VAV3: variants seen among roughly 807,000 people sequenced by gnomAD.
VAV3 encodes the protein vav guanine nucleotide exchange factor 3.
VAV3 carries 94 observed loss-of-function variants against 131.2 expected under a neutral mutation model. The ratio of observed to expected loss-of-function variants is 0.72; its 90% CI spans 0.61 to 0.85. The LOEUF is 0.85. VAV3 is among the 40% of genes least tolerant of loss of function. VAV3 has a pLI of 0.00. For missense variants in VAV3, 939 were observed against 1,002.7 expected (o/e 0.94, Z 0.86); for synonymous variants, 349 against 342.0 (o/e 1.02, Z -0.22).
At chr1:107,780,121 CT>C (rs1287214257) in intron 2 of VAV3, among the ~76,000 whole-genome samples, 10 of 152,174 alleles carry the variant, frequency 6.6e-5, no homozygotes, top group Non-Finnish European at 1.5e-4. Flanking sequence ...TGGCCAAGTA[CT>C]TTTGGGCAAA....
At chr1:107,843,233 A>G (rs1021557891) in intron 2 of VAV3, among the ~76,000 whole-genome samples, 3 of 151,904 alleles carry the variant, frequency 2.0e-5, no homozygotes, top group Non-Finnish European at 4.4e-5. Context: ...TTAAACACAC[A>G]TCCTGAGTAA....
At chr1:107,818,007 G>A (rs756755000) in intron 2 of VAV3, among the ~76,000 whole-genome samples, 10 of 152,082 alleles carry the variant, frequency 6.6e-5, no homozygotes, top group East Asian at 3.9e-4. Context: ...AAATTAATTC[G>A]GAACAAACAC....
intron 19 of VAV3, among the ~76,000 whole-genome samples, chr1:107,666,392 T>C (rs896588895): frequency 2.0e-5 from 3 of 152,114 alleles, no homozygotes; most frequent in African/African-American, 4.8e-5. Flanking sequence ...CAAGGTGATA[T>C]CTGCAATTTG....
At chr1:107,944,999 G>A (rs954065454) in intron 1 of VAV3, among the ~76,000 whole-genome samples, 8 of 152,270 alleles carry the variant, frequency 5.3e-5, no homozygotes, top group East Asian at 3.9e-4. Flanking sequence ...AGGAGGTCTC[G>A]GATGAAAGGA....
intron 24 of VAV3, among the ~76,000 whole-genome samples, 176 bp downstream of exon 24, chr1:107,602,221 A>C (rs1651920366): frequency 6.6e-6 from 1 of 152,126 alleles, no homozygotes; most frequent in Non-Finnish European, 1.5e-5. Context: ...CGAGCAATAT[A>C]AAACTTAGAG....
chr1:107,644,852 C>T (rs1322077122), intron 19 of VAV3, among the ~76,000 whole-genome samples: 4 of 151,806 alleles, frequency 2.6e-5, no homozygotes, highest in African/African-American at 9.7e-5. Flanking sequence ...GACTGGAATG[C>T]CCACCACATG....
At chr1:107,957,947 G>C (rs1025337926) in intron 1 of VAV3, among the ~76,000 whole-genome samples, 2 of 151,020 alleles carry the variant, frequency 1.3e-5, no homozygotes, top group Non-Finnish European at 2.9e-5. Context: ...ACCTCACCAA[G>C]AGGGTTTCAG....
At chr1:107,872,284 C>G (rs1207384266) in intron 2 of VAV3, among the ~76,000 whole-genome samples, 1 of 152,124 alleles carries the variant, frequency 6.6e-6, no homozygotes, top group Non-Finnish European at 1.5e-5. Flanking sequence ...ATATTAAGCA[C>G]TCTGAAAACT....
chr1:107,830,702 C>T (rs1161412529), intron 2 of VAV3, among the ~76,000 whole-genome samples: 2 of 151,956 alleles, frequency 1.3e-5, no homozygotes, highest in Non-Finnish European at 2.9e-5. Context: ...CTTTCTTTAC[C>T]TACGATTGTC....
intron 25 of VAV3, among the ~76,000 whole-genome samples, chr1:107,582,122 T>C (rs1650097657): frequency 1.3e-5 from 2 of 152,212 alleles, no homozygotes. Context: ...GCAGTGGCCC[T>C]AGATGTTTTG....
intron 15 of VAV3, among the ~76,000 whole-genome samples, chr1:107,716,878 T>C (rs1321619044): frequency 6.6e-6 from 1 of 152,162 alleles, no homozygotes; most frequent in Non-Finnish European, 1.5e-5. Flanking sequence ...TGGACTCTTT[T>C]TGGTTGGTAA....
chr1:107,759,515 G>T (rs959204009), intron 10 of VAV3, among the ~76,000 whole-genome samples: 1 of 151,998 alleles, frequency 6.6e-6, no homozygotes, highest in Non-Finnish European at 1.5e-5. Context: ...CAAATTTCTA[G>T]ACAACAAATA....
At position 107,776,439 on chromosome 1, in the gene VAV3, G is replaced by A. The variant is rs1409917362; in HGVS notation, c.446+792C>T. On this transcript the variant is annotated intron_variant, in intron 4 of 26. Coordinates refer to ENST00000370056, the MANE Select transcript of VAV3 (RefSeq NM_006113.5). ...GTGGCAATTTTAGACAGGATAGTCA[G>A]AGAAGGCCTCTCTGTAGGGAAATCT... Among the ~76,000 whole-genome samples, 3 of 152,222 alleles carry A rather than the reference G, an allele frequency of 2.0e-5. 1 individual carries two copies. Among genetic ancestry groups the A allele is most frequent in the South Asian group, 4.1e-4 (2 of 4,830 alleles).
At chr1:107,922,879 G>A (rs1190302996) in intron 1 of VAV3, among the ~76,000 whole-genome samples, 1 of 151,576 alleles carries the variant, frequency 6.6e-6, no homozygotes, top group East Asian at 1.9e-4. Context: ...GTGAACCCGG[G>A]AGGCGGAGCT....
chr1:107,642,145 C>A (rs1198357593), intron 20 of VAV3, among the ~76,000 whole-genome samples: 1 of 152,122 alleles, frequency 6.6e-6, no homozygotes, highest in Admixed American at 6.6e-5. Flanking sequence ...ACCTACTCGA[C>A]TGCATTCCCT....
At chr1:107,845,824 T>C (rs776577738) in intron 2 of VAV3, among the ~76,000 whole-genome samples, 27 of 152,188 alleles carry the variant, frequency 1.8e-4, no homozygotes, top group Non-Finnish European at 2.5e-4. Context: ...CTACATTTGA[T>C]TGGTGTACCT....
chr1:107,912,709 G>A (rs1463856973), intron 1 of VAV3, among the ~76,000 whole-genome samples: 2 of 152,144 alleles, frequency 1.3e-5, no homozygotes, highest in African/African-American at 4.8e-5. Flanking sequence ...GCTCCTCCAG[G>A]TCAGGGACTA....
At chr1:107,631,563 G>A (rs1169159799) in intron 20 of VAV3, among the ~76,000 whole-genome samples, 1 of 150,756 alleles carries the variant, frequency 6.6e-6, no homozygotes, top group Non-Finnish European at 1.5e-5. Context: ...TGCCATGTTG[G>A]TGTGCTGCAC....
intron 25 of VAV3, among the ~76,000 whole-genome samples, chr1:107,588,101 C>T (rs1489429331): frequency 1.3e-5 from 2 of 152,140 alleles, no homozygotes; most frequent in Non-Finnish European, 2.9e-5. Context: ...TGGTTGCTAA[C>T]TTTTAAAGCC....
Sources: allele counts gnomAD v4.1 joint callset (sites outside exome capture counted in the v4.1 genomes callset), GRCh38; gene constraint gnomAD v4.1.1; transcripts MANE v1.5; gene names NCBI Gene and HGNC (gene_info 2026-07-23, HGNC 2026-07-21).